PASK: variants seen among roughly 807,000 people sequenced by gnomAD.
PASK encodes the protein PAS domain containing serine/threonine kinase.
PASK carries 110 observed loss-of-function variants against 121.0 expected under a neutral mutation model. That is an observed-to-expected ratio of 0.91 (90% CI 0.78 to 1.06). PASK has a LOEUF of 1.06. Among genes scored for constraint, PASK ranks in the 50% least tolerant of loss-of-function variants. The pLI, the probability that PASK is intolerant of heterozygous loss-of-function variation, is 0.00. For missense variants in PASK, 1,643 were observed against 1,702.3 expected (o/e 0.97, Z 0.61); for synonymous variants, 686 against 717.8 (o/e 0.96, Z 0.71).
chr2:241,145,039 G>A (rs530370451), intron 1 of PASK, among the ~76,000 whole-genome samples: 7 of 152,104 alleles, frequency 4.6e-5, no homozygotes, highest in South Asian at 4.2e-4. Context: ...TCAGCCTCCC[G>A]AGTAGCTGGG....
chr2:241,136,717 C>T (rs778669393), intron 7 of PASK, among the ~76,000 whole-genome samples: 17 of 152,224 alleles, frequency 1.1e-4, no homozygotes, highest in Non-Finnish European at 2.9e-5. Flanking sequence ...AATGAACCCC[C>T]GCAGTTGTGT....
chr2:241,128,829 C>T (rs908196533), intron 9 of PASK, among the ~76,000 whole-genome samples: 2 of 151,832 alleles, frequency 1.3e-5, no homozygotes, highest in African/African-American at 4.8e-5. Context: ...CGCACCACTG[C>T]ACTCCAGCCT....
At chr2:241,107,302 C>A in intron 17 of PASK, 51 bp downstream of exon 17, 1 of 1,562,080 alleles carries the variant, frequency 6.4e-7, no homozygotes, top group Non-Finnish European at 8.8e-7. Flanking sequence ...CTGGGGACCT[C>A]GTTATTCCAA....
rs556657162 is a variant in PASK at position 241,131,639 on chromosome 2, A to C, written c.1463+1235T>G. On this transcript the variant is annotated intron_variant, in intron 9 of 17. Transcript: ENST00000234040. ...GGCAGTCTAACCTCTGCCCTGACCCAGGGCAGCAGGGTGTAGGGGGCACAG... is the reference window on the plus strand; with the variant it reads ...GGCAGTCTAACCTCTGCCCTGACCCCGGGCAGCAGGGTGTAGGGGGCACAG... 4.3e-3 allele frequency among the ~76,000 whole-genome samples: 654 copies of C among 152,302 alleles called. 4 individuals carry two copies. Among genetic ancestry groups the C allele is most frequent in the African/African-American group, 0.015 (611 of 41,558 alleles).
chr2:241,127,871 C>T (rs1048849334), intron 9 of PASK: 1 of 300,394 alleles, frequency 3.3e-6, no homozygotes, highest in Non-Finnish European at 6.4e-6. Flanking sequence ...GTAAACTCCA[C>T]AACAGTAAAA....
At chr2:241,142,446 G>A (rs921683805) in intron 2 of PASK, among the ~76,000 whole-genome samples, 10 of 152,178 alleles carry the variant, frequency 6.6e-5, no homozygotes, top group African/African-American at 2.4e-4. Flanking sequence ...ATGATTCTTG[G>A]TCCACCAGCT....
At chr2:241,141,610 T>A (rs1575339592) in intron 2 of PASK, among the ~76,000 whole-genome samples, 1 of 151,862 alleles carries the variant, frequency 6.6e-6, no homozygotes, top group African/African-American at 2.4e-5. Flanking sequence ...TACATCTAAT[T>A]AGAAATGCAC....
intron 2 of PASK, among the ~76,000 whole-genome samples, chr2:241,141,906 G>A (rs1008952915): frequency 2.0e-5 from 3 of 152,094 alleles, no homozygotes; most frequent in Admixed American, 2.0e-4. Context: ...ACCAAGCGCA[G>A]CTCCTTCTCA....
At chr2:241,120,943 G>T (rs2065581007) in intron 12 of PASK, among the ~76,000 whole-genome samples, 1 of 152,170 alleles carries the variant, frequency 6.6e-6, no homozygotes, top group South Asian at 2.1e-4. Flanking sequence ...CTGATAAACG[G>T]ATAAACAAAA....
In PASK at chr2:241,127,398, G is replaced by A; in HGVS notation, c.1517C>T (p.Pro506Leu). ...CAAGGCAGTGATTTGCTGGTCCTTG[G>A]GCAGCGCCTGTTCACCGTGCACTGG... ...SLPVHGEQAL[P>L]KDQQITALGR... Residue 506 changes from proline to leucine, a missense_variant, in exon 10 of 18, where the codon CCC (proline) becomes CTC (leucine). Transcript: ENST00000234040. The A allele has an allele frequency of 6.2e-7, 1 of 1,614,018 alleles. No individual in the cohort carries two copies. Among genetic ancestry groups the A allele is most frequent in the Non-Finnish European group, 8.5e-7 (1 of 1,179,920 alleles).
At chr2:241,147,941 G>A (rs915726514) in intron 1 of PASK, among the ~76,000 whole-genome samples, 2 of 152,154 alleles carry the variant, frequency 1.3e-5, no homozygotes, top group African/African-American at 4.8e-5. Flanking sequence ...AGTCCACGTG[G>A]GCCAGTTTGT....
chr2:241,131,055 T>C (rs1208266110), intron 9 of PASK, among the ~76,000 whole-genome samples: 1 of 149,970 alleles, frequency 6.7e-6, no homozygotes, highest in African/African-American at 2.5e-5. Context: ...GGGGAAAGAG[T>C]AGGATTGGAG....
chr2:241,128,973 G>A (rs28542852), intron 9 of PASK, among the ~76,000 whole-genome samples: 1 of 151,588 alleles, frequency 6.6e-6, no homozygotes, highest in Non-Finnish European at 1.5e-5. Context: ...AACTGAGGGG[G>A]AGGCTGAGGG....
intron 2 of PASK, chr2:241,140,997 A>C (rs1335210519): frequency 9.1e-6 from 5 of 551,980 alleles, no homozygotes; most frequent in Non-Finnish European, 1.6e-5. Flanking sequence ...CTGTGTCTAA[A>C]TTACACTCAA....
chr2:241,132,527 TAAAAAAAAAAAAAA>T (rs71049553), intron 9 of PASK, among the ~76,000 whole-genome samples: 32 of 39,534 alleles, frequency 8.1e-4, no homozygotes, highest in Admixed American at 4.8e-3. Flanking sequence ...AGACTCTGTC[TAAAAAAAAAAAAAA>T]AAAAAAAAAA....
upstream of PASK, chr2:241,150,338 G>T (rs1251683447): frequency 7.6e-7 from 1 of 1,314,300 alleles, no homozygotes; most frequent in Non-Finnish European, 9.7e-7. Flanking sequence ...GCCTCATGAC[G>T]GAACTACAAC....
chr2:241,119,313 C>T (rs562898097), intron 12 of PASK, among the ~76,000 whole-genome samples: 1 of 152,174 alleles, frequency 6.6e-6, no homozygotes, highest in Non-Finnish European at 1.5e-5. Flanking sequence ...GTGCCCTGTG[C>T]ACGCCACCCC....
Position 241,126,874 on chromosome 2 carries a change from C to T in PASK, c.2041G>A (p.Glu681Lys), listed in dbSNP as rs770898947. 3.1e-6 allele frequency: 5 copies of T among 1,612,738 alleles called. No individual in the cohort carries two copies. The highest frequency in any genetic ancestry group is 1.3e-5 in the African/African-American group (1 of 74,908). ...GCCTGGCACTCTGTCGGAACGAGTT[C>T]GGCGTGGGGGACATCCAGGGCTCCT... ...LAGALDVPHAELVPTECQAVT... is the reference protein window; with the variant it reads ...LAGALDVPHAKLVPTECQAVT... Residue 681 changes from glutamate (E) to lysine (K), a missense_variant, in exon 10 of 18, where the codon GAA becomes AAA. By Grantham distance (56) the Glu-to-Lys change is moderately conservative (BLOSUM62 1). Coordinates refer to ENST00000234040, the MANE Select transcript of PASK (RefSeq NM_015148.4).
At chr2:241,144,072 T>C (rs2066834907) in intron 1 of PASK, among the ~76,000 whole-genome samples, 2 of 152,192 alleles carry the variant, frequency 1.3e-5, no homozygotes, top group Non-Finnish European at 2.9e-5. Context: ...TTCAAGGCAT[T>C]TACCTGCAGG....
Sources: gnomAD v4.1 joint callset for allele counts (sites outside exome capture counted in the v4.1 genomes callset) on GRCh38, gnomAD v4.1.1 for gene constraint, MANE v1.5 for transcripts, NCBI Gene and HGNC (gene_info 2026-07-23, HGNC 2026-07-21) for gene names.